The following ARHGAP39 variants were observed in gnomAD, a reference collection of about 807,000 sequenced individuals.
ARHGAP39 encodes Rho GTPase activating protein 39.
Under a neutral mutation model 106.9 loss-of-function variants are expected in ARHGAP39, and 44 were observed. The ratio of observed to expected loss-of-function variants is 0.41; its 90% CI spans 0.32 to 0.53. The LOEUF is 0.53. Among genes scored for constraint, ARHGAP39 ranks in the 20% least tolerant of loss-of-function variants. ARHGAP39 has a pLI of 0.21. For synonymous variants in ARHGAP39, 768 were observed against 693.2 expected (o/e 1.11, Z -1.69); for missense variants, 1,496 against 1,577.3 (o/e 0.95, Z 0.87).
rs757500213 is a variant in ARHGAP39 at position 144,532,357 on chromosome 8, C to T, written c.2928G>A (p.Leu976=). The T allele has an allele frequency of 5.0e-6, 8 of 1,612,390 alleles. No homozygotes were observed. The Admixed American group carries it at 1.3e-4, about 27-fold the overall frequency. The part of the protein sequence containing the change: ...GDIDEVNALK[L]QVDQWKVPTG... ...TGGGCACCTTCCACTGGTCCACCTGCAGCTTCAGGGCATTCACCTCGTCAA... is the reference window on the plus strand; with the variant it reads ...TGGGCACCTTCCACTGGTCCACCTGTAGCTTCAGGGCATTCACCTCGTCAA... The change falls in exon 10 of 12, where the codon CTG becomes CTA. Residue 976 remains leucine, a synonymous_variant. Transcript: ENST00000377307.
At chr8:144,627,325 G>A (rs904612405) in intron 1 of ARHGAP39, among the ~76,000 whole-genome samples, 6 of 152,176 alleles carry the variant, frequency 3.9e-5, no homozygotes, top group Non-Finnish European at 7.3e-5. Flanking sequence ...GGAGGCCGAG[G>A]CAGGTGGATC....
chr8:144,600,703 C>T (rs1489433462), intron 2 of ARHGAP39, among the ~76,000 whole-genome samples: 8 of 139,788 alleles, frequency 5.7e-5, no homozygotes, highest in Non-Finnish European at 9.2e-5. Flanking sequence ...TGGAGACGTG[C>T]GTGTGCACTT....
intron 2 of ARHGAP39, among the ~76,000 whole-genome samples, chr8:144,587,233 T>G (rs1819214036): frequency 6.6e-6 from 1 of 152,206 alleles, no homozygotes; most frequent in African/African-American, 2.4e-5. Flanking sequence ...GAGAACAGGC[T>G]AATACAGGCA....
At chr8:144,686,997 C>T (rs1413606685), upstream of ARHGAP39, among the ~76,000 whole-genome samples, 2 of 88,562 alleles carry the variant, frequency 2.3e-5, no homozygotes, top group South Asian at 7.4e-4. Flanking sequence ...CACACACTGG[C>T]GGCGACCATT....
At chr8:144,665,052 G>A (rs779909995) in intron 1 of ARHGAP39, among the ~76,000 whole-genome samples, 12 of 152,192 alleles carry the variant, frequency 7.9e-5, no homozygotes, top group South Asian at 6.2e-4. Flanking sequence ...ATAGTGATAC[G>A]AATAAGGTCC....
chr8:144,571,447 T>TA (rs1201669916), intron 3 of ARHGAP39, among the ~76,000 whole-genome samples: 1 of 152,150 alleles, frequency 6.6e-6, no homozygotes, highest in East Asian at 1.9e-4. Context: ...CGCTTCATGA[T>TA]AAAACCTCGC....
the ARHGAP39 span, among the ~76,000 whole-genome samples, chr8:144,692,034 G>T: frequency 6.6e-6 from 1 of 152,032 alleles, no homozygotes; most frequent in African/African-American, 2.4e-5. Context: ...TCCTAAAACT[G>T]AAGAGGACTC....
rs112035950 is a variant in ARHGAP39 at position 144,547,545 on chromosome 8, C to T, written c.1541G>A (p.Gly514Glu). The change falls in exon 5 of 12, where the codon GGG becomes GAG. Residue 514 changes from glycine to glutamate, a missense_variant. Around this residue, in one of 4 missense-constraint regions of ARHGAP39, gnomAD observed 905 missense variants for 816.4 expected, o/e 1.11. Coordinates refer to ENST00000377307, the MANE Select transcript of ARHGAP39 (RefSeq NM_025251.3). This position sits in a 1 kb window ranked among gnomAD's most constrained non-coding sequence, Gnocchi z 5.2. ...CAGGGGCTGCTCCACAAGCAGGTCC[C>T]CGGGGCCCTCAGTGGGGGTGGCGCT... ...ATSATPTEGPGDLLVEQPLAE... is the reference protein window; with the variant it reads ...ATSATPTEGPEDLLVEQPLAE... 13 of 1,474,932 alleles carry T rather than the reference C, an allele frequency of 8.8e-6. No individual in the cohort carries two copies. Among genetic ancestry groups the T allele is most frequent in the Non-Finnish European group, 1.1e-5 (12 of 1,116,284 alleles). 91.4% of individuals were successfully genotyped at this position (1,474,932 alleles called of 1,614,324 possible).
At chr8:144,680,903 A>G (rs1182391094) in intron 1 of ARHGAP39, among the ~76,000 whole-genome samples, 1 of 152,216 alleles carries the variant, frequency 6.6e-6, no homozygotes, top group African/African-American at 2.4e-5. Context: ...CAGATATATG[A>G]TAATAAAATT....
intron 1 of ARHGAP39, among the ~76,000 whole-genome samples, chr8:144,681,551 CT>C (rs1221671995): frequency 6.6e-6 from 1 of 152,158 alleles, no homozygotes; most frequent in African/African-American, 2.4e-5. Context: ...ATTTCATGGA[CT>C]TTTTTTCAAC....
chr8:144,637,106 A>G (rs1034556529), intron 1 of ARHGAP39, among the ~76,000 whole-genome samples: 3 of 152,108 alleles, frequency 2.0e-5, no homozygotes, highest in African/African-American at 7.2e-5. Context: ...ACTCTGGGAC[A>G]TTTTGTTCAG....
At chr8:144,565,661 C>T (rs946810358) in intron 3 of ARHGAP39, among the ~76,000 whole-genome samples, 2 of 152,110 alleles carry the variant, frequency 1.3e-5, no homozygotes, top group Non-Finnish European at 2.9e-5. Flanking sequence ...GCACTCCAGC[C>T]TGGGTGACAG....
chr8:144,545,244 C>T lies in ARHGAP39; in HGVS notation c.2521+5G>A. ...GCTGGTGGCAAAGCCCGTGCATGGC[C>T]TTACCTTTAGTGTCATTGACGGGGT... On this transcript the variant is annotated splice_donor_5th_base_variant and intron_variant, in intron 6 of 11. Coordinates refer to ENST00000377307, the MANE Select transcript of ARHGAP39 (RefSeq NM_025251.3). 6.6e-7 allele frequency: 1 copy of T among 1,521,290 alleles called. No individual in the cohort carries two copies. The highest frequency in any genetic ancestry group is 8.9e-7 in the Non-Finnish European group (1 of 1,126,886). 94.2% of individuals were successfully genotyped at this position (1,521,290 alleles called of 1,614,324 possible).
In ARHGAP39 at chr8:144,633,994, C is replaced by T. The variant is rs560773335; in HGVS notation, c.-81-28299G>A. On this transcript the variant is annotated intron_variant, in intron 1 of 11. Coordinates refer to ENST00000377307, the MANE Select transcript of ARHGAP39 (RefSeq NM_025251.3). ...AAAACAAAACTTCTTACCCAATTAA[C>T]GGGAAAGACAAACCAAATATAAAGA... Among the ~76,000 whole-genome samples, 22 of 152,378 alleles carry T rather than the reference C, an allele frequency of 1.4e-4. No homozygotes were observed. The South Asian group carries it at 4.3e-3, about 30-fold the overall frequency.
Position 144,595,370 on chromosome 8 carries a change from A to G in ARHGAP39, c.80+10165T>C, listed in dbSNP as rs1380106077. On this transcript the variant is annotated intron_variant, in intron 2 of 11. Coordinates refer to ENST00000377307, the MANE Select transcript of ARHGAP39 (RefSeq NM_025251.3). ...TCCACGTACTTCAATCGTCTGGAGC[A>G]GGTGAATCCCACAGGACACAAAGCC... 3.3e-5 allele frequency among the ~76,000 whole-genome samples: 5 copies of G among 152,304 alleles called. No homozygotes were observed. The East Asian group carries it at 7.7e-4, about 24-fold the overall frequency.
intron 3 of ARHGAP39, among the ~76,000 whole-genome samples, chr8:144,562,191 GTT>G (rs1185783378): frequency 6.8e-6 from 1 of 148,012 alleles, no homozygotes; most frequent in East Asian, 2.0e-4. Flanking sequence ...CATCCCAGTG[GTT>G]TCCATCGGGC....
intron 1 of ARHGAP39, among the ~76,000 whole-genome samples, chr8:144,631,558 T>C (rs145720894): frequency 3.3e-5 from 5 of 152,358 alleles, no homozygotes; most frequent in Non-Finnish European, 5.9e-5. Context: ...CTCTATCTTC[T>C]GCAAGTTGAA....
intron 4 of ARHGAP39, among the ~76,000 whole-genome samples, chr8:144,550,617 C>CTG (rs775936607): frequency 2.6e-5 from 4 of 152,372 alleles, no homozygotes; most frequent in East Asian, 3.9e-4. Flanking sequence ...GAACACTGGG[C>CTG]TGTGGGCCCT....
At position 144,585,832 on chromosome 8, in the gene ARHGAP39, A is replaced by G. The variant is rs181759276; in HGVS notation, c.81-4555T>C. Among the ~76,000 whole-genome samples the G allele has an allele frequency of 1.3e-5, 2 of 152,312 alleles. No individual in the cohort carries two copies. The highest frequency in any genetic ancestry group is 2.4e-5 in the African/African-American group (1 of 41,574). ...GAAAGAGAATCCAAGGATCACACAAATAAAAATGGCAACTGTTGAAAGGGG... is the reference window on the plus strand; with the variant it reads ...GAAAGAGAATCCAAGGATCACACAAGTAAAAATGGCAACTGTTGAAAGGGG... On this transcript the variant is annotated intron_variant, in intron 2 of 11. Coordinates refer to ENST00000377307, the MANE Select transcript of ARHGAP39 (RefSeq NM_025251.3). The surrounding 1 kb of genome is among the most constrained non-coding windows in gnomAD (Gnocchi z 4.6).
Sources: gnomAD v4.1 joint callset for allele counts (sites outside exome capture counted in the v4.1 genomes callset) on GRCh38, gnomAD v4.1.1 for gene constraint, gnomAD v4.1.1 regional missense constraint, Gnocchi (gnomAD v3.1) non-coding constraint, MANE v1.5 for transcripts, NCBI Gene and HGNC (gene_info 2026-07-23, HGNC 2026-07-21) for gene names.